The following CLASP1 variants were observed in gnomAD, a reference collection of about 807,000 sequenced individuals.
CLASP1 encodes CLIP-associating protein 1.
CLASP1 carries 38 observed loss-of-function variants against 192.3 expected under a neutral mutation model. The observed-to-expected ratio is 0.20, with a 90% CI of 0.15 to 0.26. CLASP1 has a LOEUF of 0.26. CLASP1 is among the 10% of genes least tolerant of loss of function. The probability of loss-of-function intolerance (pLI) is 1.00; values close to 1 mark genes in which losing one functional copy is unlikely to be tolerated. For synonymous variants in CLASP1, 691 were observed against 712.8 expected (o/e 0.97, Z 0.49); for missense variants, 1,433 against 1,932.5 (o/e 0.74, Z 4.85).
chr2:121,467,225 T>C (rs1023474606), intron 9 of CLASP1, among the ~76,000 whole-genome samples: 1 of 152,236 alleles, frequency 6.6e-6, no homozygotes, highest in Admixed American at 6.5e-5. Flanking sequence ...GGCATTTAGG[T>C]TGATCCCACA....
At chr2:121,373,716 C>A (rs1466089639) in intron 34 of CLASP1, among the ~76,000 whole-genome samples, 2 of 152,154 alleles carry the variant, frequency 1.3e-5, no homozygotes, top group East Asian at 1.9e-4. Context: ...TGTGCCCCTG[C>A]CCTACAGATC....
At chr2:121,584,318 G>A (rs7603444) in intron 2 of CLASP1, among the ~76,000 whole-genome samples, 37,724 of 152,042 alleles carry the variant, frequency 0.25, 7,393 homozygotes, top group African/African-American at 0.54. Context: ...AGACTAAGAC[G>A]TTCTCTATGA....
At chr2:121,451,534 C>T (rs1011716981) in intron 15 of CLASP1, among the ~76,000 whole-genome samples, 2 of 152,170 alleles carry the variant, frequency 1.3e-5, no homozygotes, top group African/African-American at 4.8e-5. Flanking sequence ...AGCAGCAGGG[C>T]CAGAGTCAGT....
At chr2:121,442,125 TATG>T (rs1373111838) in intron 19 of CLASP1, among the ~76,000 whole-genome samples, 5 of 152,276 alleles carry the variant, frequency 3.3e-5, no homozygotes, top group Admixed American at 1.3e-4. Flanking sequence ...TTGGGAAAAA[TATG>T]AATGCTTTTC....
At chr2:121,643,670 A>T (rs933025047) in intron 1 of CLASP1, among the ~76,000 whole-genome samples, 1 of 152,226 alleles carries the variant, frequency 6.6e-6, no homozygotes, top group African/African-American at 2.4e-5. Flanking sequence ...GGAAGGATAC[A>T]TTCCAAACTG....
chr2:121,400,430 C>T (rs549746305), intron 28 of CLASP1, among the ~76,000 whole-genome samples: 1 of 152,120 alleles, frequency 6.6e-6, no homozygotes, highest in Non-Finnish European at 1.5e-5. Context: ...AAAAGCTGCA[C>T]GCATAGGGAG....
At chr2:121,351,659 C>T (rs577148294) in intron 37 of CLASP1, among the ~76,000 whole-genome samples, 10 of 152,242 alleles carry the variant, frequency 6.6e-5, no homozygotes, top group South Asian at 6.2e-4. Context: ...ACCACGTAGC[C>T]GGCACCCTGG....
intron 19 of CLASP1, among the ~76,000 whole-genome samples, chr2:121,434,475 A>C (rs2081977749): frequency 6.6e-6 from 1 of 151,934 alleles, no homozygotes; most frequent in Non-Finnish European, 1.5e-5. Context: ...TATGTTGCCC[A>C]GGCTGGTCTC....
In CLASP1 at chr2:121,401,457, CACTT is replaced by C. The variant is rs1218771818; in HGVS notation, c.2900+48_2900+51del. 1.5e-5 allele frequency: 22 copies of C among 1,445,150 alleles called. 1 individual carries two copies. The Admixed American group carries it at 4.0e-4, about 26-fold the overall frequency. 89.5% of individuals were successfully genotyped at this position (1,445,150 alleles called of 1,614,324 possible). A position where few individuals can be genotyped will look rare whatever the true frequency, so the allele number is the denominator to read the frequency against. ...GTAACAAAAGAGAATGGCAAAAAGT[CACTT>C]ACAAGTATCCTGTAACATCAAAATG... On this transcript the variant is annotated intron_variant, in intron 28 of 39. Coordinates refer to ENST00000263710, the Ensembl canonical transcript of CLASP1.
chr2:121,389,890 A>AG (rs1021878850), intron 30 of CLASP1, among the ~76,000 whole-genome samples: 4 of 152,266 alleles, frequency 2.6e-5, no homozygotes, highest in South Asian at 2.1e-4. Flanking sequence ...GAAAAGAGAC[A>AG]GGGGTCTCAT....
At chr2:121,611,439 T>C (rs1276099067) in intron 1 of CLASP1, among the ~76,000 whole-genome samples, 2 of 44,446 alleles carry the variant, frequency 4.5e-5, no homozygotes, top group Non-Finnish European at 4.3e-5. Flanking sequence ...AACTGGAGGA[T>C]GATGAGGAGT....
At chr2:121,541,280 T>C (rs1012964374) in intron 2 of CLASP1, among the ~76,000 whole-genome samples, 2 of 152,188 alleles carry the variant, frequency 1.3e-5, no homozygotes, top group South Asian at 4.1e-4. Context: ...GAAGACTGGA[T>C]TGTCTAAGGT....
At chr2:121,475,385 T>C (rs893905878) in intron 8 of CLASP1, among the ~76,000 whole-genome samples, 1 of 152,216 alleles carries the variant, frequency 6.6e-6, no homozygotes, top group African/African-American at 2.4e-5. Flanking sequence ...AAAAGGAGGC[T>C]GGGTCATCAG....
intron 26 of CLASP1, among the ~76,000 whole-genome samples, chr2:121,403,128 A>G (rs115593553): frequency 0.014 from 2,067 of 152,246 alleles, 43 homozygotes; most frequent in African/African-American, 0.046. Context: ...CACTGTGCCC[A>G]GTGGATTTTT....
intron 13 of CLASP1, 41 bp from the exon 14 acceptor site, chr2:121,457,798 T>C (rs776114782): frequency 3.4e-6 from 5 of 1,471,260 alleles, no homozygotes; most frequent in Admixed American, 3.6e-5. Context: ...CACTTGCAAA[T>C]ACAAAAACAA....
At chr2:121,474,814 T>A (rs575362993) in intron 8 of CLASP1, among the ~76,000 whole-genome samples, 66 of 152,216 alleles carry the variant, frequency 4.3e-4, no homozygotes, top group Non-Finnish European at 9.0e-4. Flanking sequence ...GGAGGCTGCT[T>A]GTCTTTTTAC....
At chr2:121,427,496 A>G in intron 20 of CLASP1, 66 bp from the exon 21 acceptor site, 1 of 1,543,762 alleles carries the variant, frequency 6.5e-7, no homozygotes, top group Non-Finnish European at 8.9e-7. Flanking sequence ...CACAATACAG[A>G]AGGTCAGCAT....
chr2:121,462,665 TGAA>T, intron 9 of CLASP1, 60 bp from the exon 10 acceptor site: 1 of 945,574 alleles, frequency 1.1e-6, no homozygotes, highest in Non-Finnish European at 1.7e-6. Context: ...ACACATACAC[TGAA>T]GAAGTCTAAA....
intron 39 of CLASP1, among the ~76,000 whole-genome samples, chr2:121,341,336 T>A (rs1319924120): frequency 6.6e-6 from 1 of 152,186 alleles, no homozygotes; most frequent in Non-Finnish European, 1.5e-5. Context: ...AGAACCCCGC[T>A]CCACAGGGGG....
Sources: gnomAD v4.1 joint callset for allele counts (sites outside exome capture counted in the v4.1 genomes callset) on GRCh38, gnomAD v4.1.1 for gene constraint, MANE v1.5 for transcripts, NCBI Gene and HGNC (gene_info 2026-07-23, HGNC 2026-07-21) for gene names.